Variants in UNC5C observed in about 807,000 individuals in gnomAD.
UNC5C encodes the protein unc-5 netrin receptor C.
A neutral mutation model predicts 99.8 loss-of-function variants in UNC5C; 47 were observed. The observed-to-expected ratio is 0.47, with a 90% confidence interval of 0.37 to 0.60. The LOEUF (loss-of-function observed/expected upper bound fraction) is 0.60, where lower values mean the gene tolerates loss of function less well. Ranked by LOEUF, UNC5C falls within the 20% of genes least tolerant of loss-of-function variation. The probability of loss-of-function intolerance (pLI) is 0.00; values close to 1 mark genes in which losing one functional copy is unlikely to be tolerated. For synonymous variants in UNC5C, 487 were observed against 452.2 expected (o/e 1.08, Z -0.98); for missense variants, 1,062 against 1,165.9 (o/e 0.91, Z 1.30).
intron 7 of UNC5C, among the ~76,000 whole-genome samples, chr4:95,233,055 T>C (rs1738973285): frequency 6.6e-6 from 1 of 152,206 alleles, no homozygotes; most frequent in Admixed American, 6.5e-5. Context: ...AATGAGTATT[T>C]GTAAGGTAAA....
intron 1 of UNC5C, among the ~76,000 whole-genome samples, chr4:95,429,917 C>CA (rs1746585921): frequency 6.6e-6 from 1 of 152,064 alleles, no homozygotes; most frequent in Non-Finnish European, 1.5e-5. Flanking sequence ...GAAAAGGCTA[C>CA]ATACTGTATG....
intron 1 of UNC5C, among the ~76,000 whole-genome samples, chr4:95,424,518 C>CTTTTCTTTTTTTTTTTTTTTTTTTTTTT (rs1200746093): frequency 1.5e-5 from 1 of 67,952 alleles, no homozygotes; most frequent in African/African-American, 5.9e-5. Context: ...TTTTTCTTTT[C>CTTTTCTTTTTTTTTTTTTTTTTTTTTTT]TTTTTTTTTT....
chr4:95,224,199 C>A (rs1409276236), intron 7 of UNC5C, among the ~76,000 whole-genome samples: 8 of 152,232 alleles, frequency 5.3e-5, no homozygotes, highest in Non-Finnish European at 8.8e-5. Context: ...GGGAGCATCA[C>A]TTGAGACTGG....
intron 1 of UNC5C, among the ~76,000 whole-genome samples, chr4:95,399,963 A>G (rs1745639076): frequency 6.6e-6 from 1 of 152,204 alleles, no homozygotes; most frequent in Admixed American, 6.5e-5. Flanking sequence ...AATTGAGCAC[A>G]ATGCCTTCAT....
At chr4:95,274,912 G>A (rs916442743) in intron 4 of UNC5C, among the ~76,000 whole-genome samples, 23 of 152,094 alleles carry the variant, frequency 1.5e-4, no homozygotes, top group Middle Eastern at 3.4e-3. Flanking sequence ...TGTAATTCCA[G>A]CTACCCAGAA....
At chr4:95,522,794 C>T (rs1485602) in intron 1 of UNC5C, among the ~76,000 whole-genome samples, 138,470 of 152,172 alleles carry the variant, frequency 0.91, 63,069 homozygotes, top group African/African-American at 0.92. Context: ...TTTATCTGTG[C>T]TTGGAACTGC....
chr4:95,514,538 C>A (rs917365579), intron 1 of UNC5C, among the ~76,000 whole-genome samples: 1 of 151,532 alleles, frequency 6.6e-6, no homozygotes, highest in Non-Finnish European at 1.5e-5. Context: ...AGGTACTTAT[C>A]ACAATTACAA....
chr4:95,501,239 A>C (rs980558187), intron 1 of UNC5C, among the ~76,000 whole-genome samples: 14 of 152,186 alleles, frequency 9.2e-5, no homozygotes, highest in African/African-American at 3.4e-4. Context: ...CCCTCTGTTC[A>C]GTGTGGGCTT....
At chr4:95,508,250 A>G (rs1401360174) in intron 1 of UNC5C, among the ~76,000 whole-genome samples, 3 of 152,034 alleles carry the variant, frequency 2.0e-5, no homozygotes, top group African/African-American at 7.2e-5. Flanking sequence ...GTTAATTGAC[A>G]TTTTGTTCCG....
chr4:95,198,286 G>C (rs1579222848), intron 12 of UNC5C, among the ~76,000 whole-genome samples: 2 of 151,994 alleles, frequency 1.3e-5, no homozygotes, highest in East Asian at 3.9e-4. Context: ...ACCGTGCCCA[G>C]TGAGGGAGCC....
chr4:95,199,922 T>G (rs1737587741), intron 12 of UNC5C, among the ~76,000 whole-genome samples: 1 of 152,212 alleles, frequency 6.6e-6, no homozygotes, highest in Non-Finnish European at 1.5e-5. Context: ...AGAAATAACC[T>G]TAAGCTTTAC....
At chr4:95,272,315 T>C (rs1740692143) in intron 4 of UNC5C, among the ~76,000 whole-genome samples, 1 of 152,252 alleles carries the variant, frequency 6.6e-6, no homozygotes. Flanking sequence ...TTTAGAAATC[T>C]GCATTTTATA....
Position 95,220,046 on chromosome 4 carries a change from A to G in UNC5C, c.1239T>C (p.Ile413=). Residue 413 remains isoleucine (I), a synonymous_variant, in exon 8 of 16, where the codon ATT becomes ATC. Transcript: ENST00000453304. ...CCCCATTGAGTGCCGAAGAGTCAATAATATCTGACTCAAAGTCACGATGAT... is the reference window on the plus strand; with the variant it reads ...CCCCATTGAGTGCCGAAGAGTCAATGATATCTGACTCAAAGTCACGATGAT... ...RKNHRDFESD[I]IDSSALNGGF... 6.2e-7 allele frequency: 1 copy of G among 1,614,146 alleles called. No individual in the cohort carries two copies. The highest frequency in any genetic ancestry group is 1.3e-5 in the African/African-American group (1 of 75,046).
At chr4:95,271,654 A>G (rs1228725919) in intron 4 of UNC5C, among the ~76,000 whole-genome samples, 1 of 152,222 alleles carries the variant, frequency 6.6e-6, no homozygotes, top group Non-Finnish European at 1.5e-5. Context: ...CTAGATTTTC[A>G]TCATTAAATA....
In UNC5C at chr4:95,167,130, CGGAAACAT is replaced by C. The variant is rs964244133; in HGVS notation, c.*2096_*2103del. 9.9e-5 allele frequency: 15 copies of C among 152,226 alleles called. No homozygotes were observed. The highest frequency in any genetic ancestry group is 5.2e-4 in the Admixed American group (8 of 15,284). 9.4% of individuals were successfully genotyped at this position (152,226 alleles called of 1,614,324 possible). Reference sequence around the variant, plus strand: ...TCTCAAGATGCTACCAAAATAGGAGCGGAAACATGGAAAGATGGAAGCACATGTATAAT... The same window carrying C: ...TCTCAAGATGCTACCAAAATAGGAGCGGAAAGATGGAAGCACATGTATAAT... On this transcript the variant is annotated 3_prime_UTR_variant, in exon 16 of 16. Transcript: ENST00000453304.
chr4:95,361,060 A>G (rs1744375184), intron 1 of UNC5C, among the ~76,000 whole-genome samples: 1 of 152,120 alleles, frequency 6.6e-6, no homozygotes, highest in Non-Finnish European at 1.5e-5. Context: ...CCAGCATATC[A>G]TTTTCCCAAA....
intron 1 of UNC5C, among the ~76,000 whole-genome samples, chr4:95,519,193 A>G (rs1722288300): frequency 1.3e-5 from 2 of 152,126 alleles, no homozygotes; most frequent in South Asian, 4.1e-4. Flanking sequence ...GCATGGGTTA[A>G]GAAAAAAAAT....
chr4:95,418,815 C>A (rs1746240546), intron 1 of UNC5C, among the ~76,000 whole-genome samples: 1 of 152,162 alleles, frequency 6.6e-6, no homozygotes, highest in Non-Finnish European at 1.5e-5. Context: ...TGTTCTTCAT[C>A]ACAATCAGGG....
intron 1 of UNC5C, among the ~76,000 whole-genome samples, chr4:95,457,713 T>C (rs1747482561): frequency 6.6e-6 from 1 of 151,896 alleles, no homozygotes; most frequent in Non-Finnish European, 1.5e-5. Context: ...GTGACAGAGA[T>C]TGAGATAAAG....
Sources: allele counts gnomAD v4.1 joint callset (sites outside exome capture counted in the v4.1 genomes callset), GRCh38; gene constraint gnomAD v4.1.1; transcripts MANE v1.5; gene names NCBI Gene and HGNC (gene_info 2026-07-23, HGNC 2026-07-21).